Variants in CCDC102B observed in about 807,000 individuals in gnomAD.
CCDC102B encodes coiled-coil domain-containing protein 102B.
CCDC102B carries 75 observed loss-of-function variants against 57.4 expected under a neutral mutation model. That is an observed-to-expected ratio of 1.31 (90% CI 1.08 to 1.58). The LOEUF (loss-of-function observed/expected upper bound fraction) is 1.58, where lower values mean the gene tolerates loss of function less well. Ranked by LOEUF, CCDC102B falls within the 40% of genes most tolerant of loss-of-function variation. The pLI, the probability that CCDC102B is intolerant of heterozygous loss-of-function variation, is 0.00. For synonymous variants in CCDC102B, 206 were observed against 201.9 expected, an observed-to-expected ratio of 1.02 and a Z score of -0.17; for missense variants, 636 against 582.6, an observed-to-expected ratio of 1.09 and a Z score of -0.94.
chr18:68,797,068 G>A (rs1240030465), upstream of CCDC102B, among the ~76,000 whole-genome samples: 39 of 151,924 alleles, frequency 2.6e-4, no homozygotes, highest in Non-Finnish European at 7.4e-5. Flanking sequence ...GGGAAAATCC[G>A]GACAGGAGGG....
At chr18:68,891,110 T>C (rs2040062834) in intron 5 of CCDC102B, among the ~76,000 whole-genome samples, 1 of 152,198 alleles carries the variant, frequency 6.6e-6, no homozygotes, top group Admixed American at 6.5e-5. Flanking sequence ...ATAATGTTAA[T>C]GCATGTGGTT....
chr18:68,761,970 A>G (rs1005806295), intron 2 of CCDC102B, among the ~76,000 whole-genome samples: 1 of 152,034 alleles, frequency 6.6e-6, no homozygotes, highest in African/African-American at 2.4e-5. Flanking sequence ...GCTAGTTTGT[A>G]AGTAATTCCG....
chr18:68,926,633 T>G (rs1392293510), intron 6 of CCDC102B, among the ~76,000 whole-genome samples: 1 of 151,932 alleles, frequency 6.6e-6, no homozygotes, highest in Non-Finnish European at 1.5e-5. Context: ...GACAGTGACA[T>G]TAAGCTATCT....
intron 7 of CCDC102B, among the ~76,000 whole-genome samples, chr18:69,042,443 A>G (rs2052456706): frequency 6.6e-6 from 1 of 152,094 alleles, no homozygotes; most frequent in Non-Finnish European, 1.5e-5. Flanking sequence ...TCTTATCTAC[A>G]TGGCTACCAC....
At chr18:69,026,090 C>G (rs73967764) in intron 7 of CCDC102B, among the ~76,000 whole-genome samples, 4,141 of 152,176 alleles carry the variant, frequency 0.027, 199 homozygotes, top group African/African-American at 0.093. Flanking sequence ...TAAGGCAGAA[C>G]TCATTCTGCG....
chr18:68,762,382 TTTG>T (rs2034281064), intron 2 of CCDC102B, among the ~76,000 whole-genome samples: 3 of 152,272 alleles, frequency 2.0e-5, no homozygotes, highest in South Asian at 4.1e-4. Flanking sequence ...AAATCTGTTT[TTTG>T]TTGTTGTTTG....
Position 68,977,923 on chromosome 18 carries a change from G to A in CCDC102B, c.1264-33011G>A, listed in dbSNP as rs189834209. 6.6e-5 allele frequency among the ~76,000 whole-genome samples: 10 copies of A among 151,976 alleles called. No homozygotes were observed. In the East Asian group the frequency reaches 1.4e-3, roughly 21 times the overall value. On this transcript the variant is annotated intron_variant, in intron 6 of 7. Transcript: ENST00000360242. ...GACGCTGAACACAGTAACCTTGCAG[G>A]CACATACAGATCCACATAGGAGCTG... is the stretch of plus-strand genomic sequence containing the variant.
chr18:68,960,948 G>A (rs1455044733), intron 6 of CCDC102B, among the ~76,000 whole-genome samples: 1 of 152,086 alleles, frequency 6.6e-6, no homozygotes, highest in African/African-American at 2.4e-5. Context: ...GATGTGTTAA[G>A]TATTGTTAGT....
rs920713559 is a variant in CCDC102B at position 68,836,830 on chromosome 18, A to G, written c.67A>G (p.Ile23Val). ...TQIFQMQQSSIKSRGDMVAPA... is the reference protein window; with the variant it reads ...TQIFQMQQSSVKSRGDMVAPA... ...GATCTTCCAGATGCAACAATCATCA[A>G]TTAAGTCACGCGGCGACATGGTGGC... The change falls in exon 2 of 8, where the codon ATT becomes GTT. Residue 23 changes from isoleucine to valine, a missense_variant. By Grantham distance (29) the Ile-to-Val change is conservative (BLOSUM62 3). Transcript: ENST00000360242. The G allele has an allele frequency of 6.2e-6, 10 of 1,613,926 alleles. No individual in the cohort carries two copies. The African/African-American group carries it at 1.1e-4, about 17-fold the overall frequency.
At chr18:68,760,606 G>T (rs899828843) in intron 2 of CCDC102B, among the ~76,000 whole-genome samples, 1 of 152,040 alleles carries the variant, frequency 6.6e-6, no homozygotes, top group East Asian at 1.9e-4. Flanking sequence ...AACCAGCAAA[G>T]GAAAGATATA....
At chr18:68,821,584 A>C (rs1555707130) in intron 1 of CCDC102B, among the ~76,000 whole-genome samples, 2 of 151,462 alleles carry the variant, frequency 1.3e-5, no homozygotes, top group African/African-American at 4.8e-5. Flanking sequence ...GCACTGCAAA[A>C]CATGCCAAAT....
chr18:68,999,779 T>C (rs749095792), intron 6 of CCDC102B, among the ~76,000 whole-genome samples: 73 of 152,226 alleles, frequency 4.8e-4, no homozygotes, highest in Admixed American at 3.9e-4. Flanking sequence ...CTGTTTCTCT[T>C]ATTCCCAGTT....
intron 6 of CCDC102B, among the ~76,000 whole-genome samples, chr18:68,939,664 G>A (rs943580885): frequency 4.6e-5 from 7 of 151,820 alleles, no homozygotes; most frequent in African/African-American, 1.7e-4. Context: ...ATATGTCGCA[G>A]AAGGTTGCAA....
At chr18:68,748,699 G>A (rs1019199630) in intron 2 of CCDC102B, among the ~76,000 whole-genome samples, 1 of 152,148 alleles carries the variant, frequency 6.6e-6, no homozygotes, top group Non-Finnish European at 1.5e-5. Flanking sequence ...TTAATATGTA[G>A]TAAGACATCC....
chr18:68,851,072 C>G (rs756292790), intron 4 of CCDC102B, among the ~76,000 whole-genome samples: 1 of 152,244 alleles, frequency 6.6e-6, no homozygotes, highest in Non-Finnish European at 1.5e-5. Context: ...TCTGCTTATT[C>G]ACCTCTCCGT....
chr18:68,884,270 A>C (rs1175823884), intron 5 of CCDC102B, among the ~76,000 whole-genome samples: 1 of 152,168 alleles, frequency 6.6e-6, no homozygotes, highest in Non-Finnish European at 1.5e-5. Context: ...CCCAGTGTTC[A>C]CTTATGAAAA....
chr18:68,877,770 T>C (rs547237374), intron 5 of CCDC102B, among the ~76,000 whole-genome samples: 1 of 152,332 alleles, frequency 6.6e-6, no homozygotes. Context: ...TGGAAACATA[T>C]GCCTTAAATC....
At chr18:68,915,890 T>C (rs1439463455) in intron 6 of CCDC102B, among the ~76,000 whole-genome samples, 2 of 152,188 alleles carry the variant, frequency 1.3e-5, no homozygotes, top group Non-Finnish European at 2.9e-5. Context: ...TTCTATGACA[T>C]ATAGGCAGAA....
intron 7 of CCDC102B, among the ~76,000 whole-genome samples, chr18:69,041,944 G>A (rs1163322846): frequency 6.6e-6 from 1 of 151,774 alleles, no homozygotes; most frequent in Non-Finnish European, 1.5e-5. Context: ...TTGAGTTATG[G>A]GCTTTTTGTT....
Sources: gnomAD v4.1 joint callset for allele counts (sites outside exome capture counted in the v4.1 genomes callset) on GRCh38, gnomAD v4.1.1 for gene constraint, MANE v1.5 for transcripts, NCBI Gene and HGNC (gene_info 2026-07-23, HGNC 2026-07-21) for gene names.